The following PRMT6 variants were observed in gnomAD, a reference collection of about 807,000 sequenced individuals.
PRMT6 encodes protein arginine N-methyltransferase 6.
PRMT6 carries 23 observed loss-of-function variants against 30.5 expected under a neutral mutation model. The ratio of observed to expected loss-of-function variants is 0.75; its 90% CI spans 0.54 to 1.07. The LOEUF (loss-of-function observed/expected upper bound fraction) is 1.07, where lower values mean the gene tolerates loss of function less well. Ranked by LOEUF, PRMT6 falls within the 50% of genes least tolerant of loss-of-function variation. PRMT6 has a pLI of 0.00. For missense variants in PRMT6, 528 were observed against 514.3 expected (o/e 1.03, Z -0.26); for synonymous variants, 265 against 228.0 (o/e 1.16, Z -1.46).
chr1:107,057,745 C>T lies in PRMT6; in HGVS notation c.1030C>T (p.Leu344=). Residue 344 remains leucine (L), a synonymous_variant, in exon 1 of 1, where the codon CTG becomes TTG. Coordinates refer to ENST00000370078, the MANE Select transcript of PRMT6 (RefSeq NM_018137.3). The part of the protein sequence containing the change: ...DTDVSGEITL[L]PSRDNPRRLR... ...GGACGTTTCAGGAGAGATCACGCTG[C>T]TGCCCTCCCGGGACAACCCCCGTCG... The T allele has an allele frequency of 6.2e-7, 1 of 1,614,102 alleles. No homozygotes were observed. Among genetic ancestry groups the T allele is most frequent in the South Asian group, 1.1e-5 (1 of 91,074 alleles).
At position 107,056,930 on chromosome 1, in the gene PRMT6, T is replaced by A; in HGVS notation, c.215T>A (p.Leu72Gln). 1.2e-6 allele frequency: 2 copies of A among 1,611,354 alleles called. No individual in the cohort carries two copies. The highest frequency in any genetic ancestry group is 1.7e-6 in the Non-Finnish European group (2 of 1,178,286). ...ADRVRTDAYRLGILRNWAALR... is the reference protein window; with the variant it reads ...ADRVRTDAYRQGILRNWAALR... ...CGCGTCCGCACCGATGCCTACCGCC[T>A]GGGTATCCTTCGGAACTGGGCAGCA... The change falls in exon 1 of 1, where the codon CTG becomes CAG. Residue 72 changes from leucine to glutamine, a missense_variant. Transcript: ENST00000370078.
chr1:107,057,675 G>A lies in PRMT6; in HGVS notation c.960G>A (p.Gln320=). 6.2e-7 allele frequency: 1 copy of A among 1,614,230 alleles called. No homozygotes were observed. The highest frequency in any genetic ancestry group is 8.5e-7 in the Non-Finnish European group (1 of 1,180,040). The change falls in exon 1 of 1, where the codon CAG becomes CAA. Residue 320 remains glutamine (Q), a synonymous_variant. Coordinates refer to ENST00000370078, the MANE Select transcript of PRMT6 (RefSeq NM_018137.3). ...TTCACCCGGCCACTCACTGGAAACA[G>A]GCGCTCCTCTACCTGAACGAGCCGG... ...SPFHPATHWK[Q]ALLYLNEPVQ...
chr1:107,058,321 A>T lies in PRMT6; in HGVS notation c.*478A>T, dbSNP rs1651778268. 4.9e-6 allele frequency: 1 copy of T among 202,742 alleles called. No homozygotes were observed. Among genetic ancestry groups the T allele is most frequent in the African/African-American group, 2.4e-5 (1 of 42,312 alleles). The allele number at this position is 202,742 out of a possible 1,614,324, so 12.6% of individuals were successfully genotyped here. A position where few individuals can be genotyped will look rare whatever the true frequency, so the allele number is the denominator to read the frequency against. On this transcript the variant is annotated 3_prime_UTR_variant, in exon 1 of 1. Coordinates refer to ENST00000370078, the MANE Select transcript of PRMT6 (RefSeq NM_018137.3). Reference sequence around the variant, plus strand: ...GAGCCATATTTTCTCAGTCCGAATTAATTCCCCCTCCCTAGGTGCCTGTAG... The same window carrying T: ...GAGCCATATTTTCTCAGTCCGAATTTATTCCCCCTCCCTAGGTGCCTGTAG...
chr1:107,056,847 C>T lies in PRMT6; in HGVS notation c.132C>T (p.Asp44=). ...ERPRRTKRER[D]QLYYECYSDV... ...CCCGGAGGACTAAGCGGGAACGGGA[C>T]CAGCTGTACTACGAGTGCTACTCGG... Residue 44 remains aspartate, a synonymous_variant, in exon 1 of 1, where the codon GAC becomes GAT. Coordinates refer to ENST00000370078, the MANE Select transcript of PRMT6 (RefSeq NM_018137.3). The T allele has an allele frequency of 1.2e-6, 2 of 1,612,178 alleles. No individual in the cohort carries two copies. The highest frequency in any genetic ancestry group is 2.2e-5 in the East Asian group (1 of 44,750).
rs753022504 is a variant in PRMT6, at chr1:107,057,884, C to T, written c.*41C>T. 1.8e-5 allele frequency: 28 copies of T among 1,552,644 alleles called. No homozygotes were observed. Among genetic ancestry groups the T allele is most frequent in the African/African-American group, 2.7e-5 (2 of 73,080 alleles). On this transcript the variant is annotated 3_prime_UTR_variant, in exon 1 of 1. Coordinates refer to ENST00000370078, the MANE Select transcript of PRMT6 (RefSeq NM_018137.3). The stretch of plus-strand genomic sequence containing the variant: ...CCAGCTACCTCCCAAAGCAGCCTGA[C>T]CTGCGTGGGAGAGGCGTAGCGAGGT...
chr1:107,057,281 C>T lies in PRMT6; in HGVS notation c.566C>T (p.Ala189Val). Residue 189 changes from alanine (A) to valine (V), a missense_variant, in exon 1 of 1, where the codon GCC becomes GTC. Coordinates refer to ENST00000370078, the MANE Select transcript of PRMT6 (RefSeq NM_018137.3). ...GGCGGTCTTCTCCTGCCGGCCTCCGCCGAGCTCTTCATAGCCCCCATCAGC... is the reference window on the plus strand; with the variant it reads ...GGCGGTCTTCTCCTGCCGGCCTCCGTCGAGCTCTTCATAGCCCCCATCAGC... ...KEGGLLLPAS[A>V]ELFIAPISDQ... The T allele has an allele frequency of 6.2e-7, 1 of 1,614,048 alleles. No homozygotes were observed. Among genetic ancestry groups the T allele is most frequent in the Non-Finnish European group, 8.5e-7 (1 of 1,180,014 alleles).
Position 107,057,575 on chromosome 1 carries a change from G to C in PRMT6, c.860G>C (p.Gly287Ala), listed in dbSNP as rs752737237. 1 of 1,613,980 alleles carries C rather than the reference G, an allele frequency of 6.2e-7. No individual in the cohort carries two copies. The highest frequency in any genetic ancestry group is 8.5e-7 in the Non-Finnish European group (1 of 1,180,000). Reference sequence around the variant, plus strand: ...TGCTATGGCTCGGCGCCCATGCATGGCTTTGCCATCTGGTTCCAGGTGACC... The same window carrying C: ...TGCTATGGCTCGGCGCCCATGCATGCCTTTGCCATCTGGTTCCAGGTGACC... ...CSCYGSAPMH[G>A]FAIWFQVTFP... The change falls in exon 1 of 1, where the codon GGC becomes GCC. Residue 287 changes from glycine (G) to alanine (A), a missense_variant. Coordinates refer to ENST00000370078, the MANE Select transcript of PRMT6 (RefSeq NM_018137.3).
In PRMT6 at chr1:107,056,819, G is replaced by T. The variant is rs761331711; in HGVS notation, c.104G>T (p.Arg35Leu). 1 of 1,599,086 alleles carries T rather than the reference G, an allele frequency of 6.3e-7. No individual in the cohort carries two copies. Among genetic ancestry groups the T allele is most frequent in the South Asian group, 1.1e-5 (1 of 89,240 alleles). ...DGAEREAALE[R>L]PRRTKRERDQ... is the part of the protein sequence containing the mutation. ...GCGGAGCGGGAGGCGGCCCTGGAGCGACCCCGGAGGACTAAGCGGGAACGG... is the reference window on the plus strand; with the variant it reads ...GCGGAGCGGGAGGCGGCCCTGGAGCTACCCCGGAGGACTAAGCGGGAACGG... Residue 35 changes from arginine to leucine, a missense_variant, in exon 1 of 1, where the codon CGA becomes CTA. Arg to Leu is a moderately radical substitution (Grantham distance 102). Transcript: ENST00000370078.
At position 107,057,105 on chromosome 1, in the gene PRMT6, G is replaced by C; in HGVS notation, c.390G>C (p.Glu130Asp). Residue 130 changes from glutamate to aspartate, a missense_variant, in exon 1 of 1, where the codon GAG becomes GAC. Physicochemically the swap from Glu to Asp is conservative, Grantham distance 45 (BLOSUM62 2). Coordinates refer to ENST00000370078, the MANE Select transcript of PRMT6 (RefSeq NM_018137.3). ...AREVVRFNGL[E>D]DRVHVLPGPV... ...AGGTGGTGCGGTTCAACGGGCTGGA[G>C]GACCGGGTGCACGTCCTGCCGGGAC... 1 of 1,607,692 alleles carries C rather than the reference G, an allele frequency of 6.2e-7. No individual in the cohort carries two copies. Among genetic ancestry groups the C allele is most frequent in the Non-Finnish European group, 8.5e-7 (1 of 1,179,766 alleles).
In PRMT6 at chr1:107,056,870, C is replaced by T; in HGVS notation, c.155C>T (p.Ser52Leu). 1 of 1,613,662 alleles carries T rather than the reference C, an allele frequency of 6.2e-7. No individual in the cohort carries two copies. Among genetic ancestry groups the T allele is most frequent in the Non-Finnish European group, 8.5e-7 (1 of 1,179,810 alleles). ...GACCAGCTGTACTACGAGTGCTACT[C>T]GGACGTTTCGGTCCACGAGGAGATG... ...ERDQLYYECY[S>L]DVSVHEEMIA... The change falls in exon 1 of 1, where the codon TCG becomes TTG. Residue 52 changes from serine to leucine, a missense_variant. Coordinates refer to ENST00000370078, the MANE Select transcript of PRMT6 (RefSeq NM_018137.3).
In PRMT6 at chr1:107,057,222, C is replaced by G. The variant is rs1024874357; in HGVS notation, c.507C>G (p.Ser169=). ...YGLLHESMLS[S]VLHARTKWLK... ...TCCTGCACGAGTCCATGCTGAGCTCCGTCCTCCACGCGCGAACCAAGTGGC... is the reference window on the plus strand; with the variant it reads ...TCCTGCACGAGTCCATGCTGAGCTCGGTCCTCCACGCGCGAACCAAGTGGC... Residue 169 remains serine (S), a synonymous_variant, in exon 1 of 1, where the codon TCC becomes TCG. Coordinates refer to ENST00000370078, the MANE Select transcript of PRMT6 (RefSeq NM_018137.3). 1.6e-5 allele frequency: 26 copies of G among 1,613,666 alleles called. No homozygotes were observed. Among genetic ancestry groups the G allele is most frequent in the Non-Finnish European group, 2.1e-5 (25 of 1,180,044 alleles).
chr1:107,056,978 A>G lies in PRMT6; in HGVS notation c.263A>G (p.Asp88Gly), dbSNP rs1205779446. 2 of 1,613,596 alleles carry G rather than the reference A, an allele frequency of 1.2e-6. No individual in the cohort carries two copies. The highest frequency in any genetic ancestry group is 1.7e-6 in the Non-Finnish European group (2 of 1,179,828). Reference protein sequence around the residue: ...WAALRGKTVLDVGAGTGILSI... With the variant: ...WAALRGKTVLGVGAGTGILSI... ...GCACTGCGAGGCAAGACGGTACTGG[A>G]CGTGGGCGCGGGCACCGGCATTCTG... Residue 88 changes from aspartate (D) to glycine (G), a missense_variant, in exon 1 of 1, where the codon GAC becomes GGC. Physicochemically the swap from Asp to Gly is moderately conservative, Grantham distance 94. Transcript: ENST00000370078.
In PRMT6 at chr1:107,057,159, G is replaced by A. The variant is rs1419886716; in HGVS notation, c.444G>A (p.Gln148=). Residue 148 remains glutamine, a synonymous_variant, in exon 1 of 1, where the codon CAG becomes CAA. Coordinates refer to ENST00000370078, the MANE Select transcript of PRMT6 (RefSeq NM_018137.3). ...GPVETVELPE[Q]VDAIVSEWMG... ...TGGAGACTGTAGAGTTGCCGGAACA[G>A]GTGGATGCCATCGTGAGCGAGTGGA... The A allele has an allele frequency of 6.2e-6, 10 of 1,609,026 alleles. No homozygotes were observed. Among genetic ancestry groups the A allele is most frequent in the Admixed American group, 1.7e-5 (1 of 60,030 alleles).
Position 107,056,753 on chromosome 1 carries a change from G to T in PRMT6, c.38G>T (p.Gly13Val), listed in dbSNP as rs757882218. Residue 13 changes from glycine (G) to valine (V), a missense_variant, in exon 1 of 1, where the codon GGC becomes GTC. Physicochemically the swap from Gly to Val is moderately radical, Grantham distance 109 (BLOSUM62 -3). Transcript: ENST00000370078. ...QPKKRKLESG[G>V]GGEGGEGTEE... ...AAGAAAAGAAAGCTTGAGTCGGGGG[G>T]CGGCGGCGAAGGAGGGGAGGGAACT... is the stretch of plus-strand genomic sequence containing the variant. The T allele has an allele frequency of 6.5e-7, 1 of 1,542,382 alleles. No homozygotes were observed. Among genetic ancestry groups the T allele is most frequent in the Non-Finnish European group, 8.8e-7 (1 of 1,142,702 alleles).
At position 107,057,152 on chromosome 1, in the gene PRMT6, CG is replaced by C. The variant is rs1557731265; in HGVS notation, c.439del (p.Glu147AsnfsTer7). On this transcript the variant is annotated frameshift_variant, in exon 1 of 1. Coordinates refer to ENST00000370078, the MANE Select transcript of PRMT6 (RefSeq NM_018137.3). LOFTEE classifies it high-confidence loss of function. ...GGACCAGTGGAGACTGTAGAGTTGC[CG>C]GAACAGGTGGATGCCATCGTGAGCG... Reference protein sequence around the residue: ...LPGPVETVELPEQVDAIVSEW... With the variant: ...LPGPVETVELXEQVDAIVSEW... 2 of 1,608,230 alleles carry C rather than the reference CG, an allele frequency of 1.2e-6. No homozygotes were observed. Among genetic ancestry groups the C allele is most frequent in the Non-Finnish European group, 1.7e-6 (2 of 1,179,996 alleles).
In PRMT6 at chr1:107,058,020, T is replaced by A. The variant is rs368906211; in HGVS notation, c.*177T>A. On this transcript the variant is annotated 3_prime_UTR_variant, in exon 1 of 1. Transcript: ENST00000370078. ...CATTCTCCATTTGAAGAGATTCTTC[T>A]GGTGATGTTTACTTAAAAAGTGATC... 8.6e-4 allele frequency: 741 copies of A among 861,542 alleles called. 1 individual carries two copies. The highest frequency in any genetic ancestry group is 1.1e-3 in the Non-Finnish European group (613 of 554,074). The allele number at this position is 861,542 out of a possible 1,614,324, so 53.4% of individuals were successfully genotyped here.
Position 107,056,875 on chromosome 1 carries a change from G to T in PRMT6, c.160G>T (p.Val54Phe), listed in dbSNP as rs755978736. 5.4e-5 allele frequency: 87 copies of T among 1,613,612 alleles called. No individual in the cohort carries two copies. The highest frequency in any genetic ancestry group is 7.0e-5 in the Non-Finnish European group (83 of 1,179,834). The change falls in exon 1 of 1, where the codon GTT (valine) becomes TTT (phenylalanine). Residue 54 changes from valine (V) to phenylalanine (F), a missense_variant. Coordinates refer to ENST00000370078, the MANE Select transcript of PRMT6 (RefSeq NM_018137.3). The stretch of plus-strand genomic sequence containing the variant: ...GCTGTACTACGAGTGCTACTCGGAC[G>T]TTTCGGTCCACGAGGAGATGATCGC... ...DQLYYECYSD[V>F]SVHEEMIADR...
Position 107,056,851 on chromosome 1 carries a change from C to G in PRMT6, c.136C>G (p.Leu46Val). 6.2e-7 allele frequency: 1 copy of G among 1,612,792 alleles called. No individual in the cohort carries two copies. The highest frequency in any genetic ancestry group is 8.5e-7 in the Non-Finnish European group (1 of 1,179,458). ...PRRTKRERDQ[L>V]YYECYSDVSV... ...GAGGACTAAGCGGGAACGGGACCAGCTGTACTACGAGTGCTACTCGGACGT... is the reference window on the plus strand; with the variant it reads ...GAGGACTAAGCGGGAACGGGACCAGGTGTACTACGAGTGCTACTCGGACGT... The change falls in exon 1 of 1, where the codon CTG becomes GTG. Residue 46 changes from leucine to valine, a missense_variant. By Grantham distance (32) the Leu-to-Val change is conservative. Transcript: ENST00000370078.
At position 107,057,450 on chromosome 1, in the gene PRMT6, C is replaced by G; in HGVS notation, c.735C>G (p.Asp245Glu). 2.5e-6 allele frequency: 4 copies of G among 1,612,896 alleles called. No individual in the cohort carries two copies. Among genetic ancestry groups the G allele is most frequent in the Non-Finnish European group, 3.4e-6 (4 of 1,179,486 alleles). ...EIVVQGLSGEDVLARPQRFAQ... is the reference protein window; with the variant it reads ...EIVVQGLSGEEVLARPQRFAQ... ...TTGTGCAGGGATTGTCCGGCGAGGACGTGCTGGCCCGGCCGCAGCGCTTTG... is the reference window on the plus strand; with the variant it reads ...TTGTGCAGGGATTGTCCGGCGAGGAGGTGCTGGCCCGGCCGCAGCGCTTTG... Residue 245 changes from aspartate (D) to glutamate (E), a missense_variant, in exon 1 of 1, where the codon GAC becomes GAG. Physicochemically the swap from Asp to Glu is conservative, Grantham distance 45. Transcript: ENST00000370078.
Sources: allele counts gnomAD v4.1 joint callset, GRCh38; gene constraint gnomAD v4.1.1; transcripts MANE v1.5; gene names NCBI Gene and HGNC (gene_info 2026-07-23, HGNC 2026-07-21).